Variants in HACE1 observed in about 807,000 individuals in gnomAD.
The protein encoded by HACE1 is E3 ubiquitin-protein ligase HACE1.
A neutral mutation model predicts 118.4 loss-of-function variants in HACE1; 73 were observed. The ratio of observed to expected loss-of-function variants is 0.62; its 90% CI spans 0.51 to 0.75. HACE1 has a LOEUF of 0.75. Ranked by LOEUF, HACE1 falls within the 30% of genes least tolerant of loss-of-function variation. HACE1 has a pLI of 0.00. For synonymous variants in HACE1, 368 were observed against 374.8 expected (o/e 0.98, Z 0.21); for missense variants, 749 against 1,102.2 (o/e 0.68, Z 4.54).
intron 5 of HACE1, among the ~76,000 whole-genome samples, chr6:104,836,766 T>C (rs1327492085): frequency 3.3e-5 from 5 of 152,168 alleles, no homozygotes; most frequent in South Asian, 4.1e-4. Context: ...TGACTGTCTA[T>C]GTAGAAAATC....
At chr6:104,791,738 G>A in intron 10 of HACE1, 84 bp from the exon 11 acceptor site, 1 of 869,312 alleles carries the variant, frequency 1.2e-6, no homozygotes, top group Non-Finnish European at 1.8e-6. Flanking sequence ...TCATCCCACT[G>A]ACCATCTGTT....
chr6:104,763,841 G>A (rs1779673937), intron 19 of HACE1, among the ~76,000 whole-genome samples: 2 of 152,122 alleles, frequency 1.3e-5, no homozygotes, highest in Non-Finnish European at 2.9e-5. Context: ...CTTGGGGTCA[G>A]GATATCGAGA....
At chr6:104,838,890 TAAAAAAAA>T (rs71003448) in intron 5 of HACE1, among the ~76,000 whole-genome samples, 19 of 58,856 alleles carry the variant, frequency 3.2e-4, no homozygotes, top group Admixed American at 6.0e-4. Context: ...AACTCCATAG[TAAAAAAAA>T]AAAAAAAAAA....
intron 1 of HACE1, among the ~76,000 whole-genome samples, chr6:104,854,273 C>A (rs1349663292): frequency 1.3e-5 from 2 of 152,104 alleles, no homozygotes; most frequent in Non-Finnish European, 2.9e-5. Context: ...TAACTAAAGG[C>A]AATGTGGTAT....
At chr6:104,743,702 C>T (rs1034226745) in intron 22 of HACE1, among the ~76,000 whole-genome samples, 9 of 151,900 alleles carry the variant, frequency 5.9e-5, no homozygotes, top group African/African-American at 2.2e-4. Context: ...ATTTTTTAGG[C>T]CATGAATCTT....
At chr6:104,789,966 G>GT (rs1782841822) in intron 11 of HACE1, among the ~76,000 whole-genome samples, 1 of 151,858 alleles carries the variant, frequency 6.6e-6, no homozygotes, top group Non-Finnish European at 1.5e-5. Flanking sequence ...TACAAAGACA[G>GT]TAAGTCGTCA....
intron 1 of HACE1, among the ~76,000 whole-genome samples, chr6:104,855,602 T>C (rs1776645121): frequency 6.6e-6 from 1 of 152,190 alleles, no homozygotes; most frequent in Non-Finnish European, 1.5e-5. Context: ...TTTTAAATGC[T>C]GACTGCAACC....
At chr6:104,737,934 C>T (rs1776114952) in intron 22 of HACE1, among the ~76,000 whole-genome samples, 1 of 152,206 alleles carries the variant, frequency 6.6e-6, no homozygotes, top group Non-Finnish European at 1.5e-5. Flanking sequence ...CCCTGTCTCA[C>T]AGCTTTGAGG....
intron 14 of HACE1, among the ~76,000 whole-genome samples, chr6:104,777,669 C>T (rs1781356716): frequency 6.6e-6 from 1 of 151,952 alleles, no homozygotes; most frequent in Non-Finnish European, 1.5e-5. Context: ...ATTTTCACAC[C>T]CAGAAAAATT....
At chr6:104,763,848 G>A (rs548600294) in intron 19 of HACE1, among the ~76,000 whole-genome samples, 10 of 152,150 alleles carry the variant, frequency 6.6e-5, no homozygotes, top group African/African-American at 2.2e-4. Flanking sequence ...TCAGGATATC[G>A]AGACCAGCCT....
At chr6:104,853,201 A>C (rs1193882329) in intron 1 of HACE1, among the ~76,000 whole-genome samples, 1 of 152,086 alleles carries the variant, frequency 6.6e-6, no homozygotes, top group Non-Finnish European at 1.5e-5. Context: ...CCATGGGATG[A>C]CTCTTACTCG....
chr6:104,822,519 C>T (rs1386569543), intron 6 of HACE1, among the ~76,000 whole-genome samples: 1 of 151,894 alleles, frequency 6.6e-6, no homozygotes, highest in Non-Finnish European at 1.5e-5. Flanking sequence ...CACCACTACG[C>T]TCCGGCCGGT....
At chr6:104,842,042 G>A (rs1340808769) in intron 5 of HACE1, among the ~76,000 whole-genome samples, 1 of 152,176 alleles carries the variant, frequency 6.6e-6, no homozygotes, top group Non-Finnish European at 1.5e-5. Context: ...AGGACAAAAT[G>A]TTAACAGTAA....
chr6:104,852,289 A>G (rs1776316044), intron 2 of HACE1, 28 bp downstream of exon 2: 2 of 1,568,644 alleles, frequency 1.3e-6, no homozygotes, highest in Non-Finnish European at 8.8e-7. Context: ...CTTCTTAAAA[A>G]GCAAAAATTT....
At chr6:104,735,760 T>C (rs961960739) in intron 22 of HACE1, among the ~76,000 whole-genome samples, 4 of 152,172 alleles carry the variant, frequency 2.6e-5, no homozygotes, top group Admixed American at 6.5e-5. Context: ...AATTTATATA[T>C]TCTCATACAC....
intron 5 of HACE1, 108 bp downstream of exon 5, chr6:104,843,115 A>T (rs1248141484): frequency 2.7e-6 from 2 of 750,168 alleles, no homozygotes; most frequent in Non-Finnish European, 4.8e-6. Flanking sequence ...TGTCTCAAAA[A>T]AAAGTAACTT....
chr6:104,744,219 T>C lies in HACE1; in HGVS notation c.2454A>G (p.Glu818=). 2 of 1,595,626 alleles carry C rather than the reference T, an allele frequency of 1.3e-6. No individual in the cohort carries two copies. The highest frequency in any genetic ancestry group is 1.7e-6 in the Non-Finnish European group (2 of 1,168,560). The change falls in exon 22 of 24, where the codon GAA becomes GAG. Residue 818 remains glutamate (E), a synonymous_variant. Coordinates refer to ENST00000262903, the MANE Select transcript of HACE1 (RefSeq NM_020771.4). ...REDPVIQWFW[E]VVEDITQEER... ...CCTCTTGAGTAATGTCTTCTACAACTTCCCAGAACCACTAACAACAAGAAC... is the reference window on the plus strand; with the variant it reads ...CCTCTTGAGTAATGTCTTCTACAACCTCCCAGAACCACTAACAACAAGAAC...
At chr6:104,761,940 A>G (rs1029524179) in intron 19 of HACE1, among the ~76,000 whole-genome samples, 2 of 152,246 alleles carry the variant, frequency 1.3e-5, no homozygotes, top group African/African-American at 4.8e-5. Flanking sequence ...CAACAGACAC[A>G]TGAAAAAATG....
At chr6:104,857,230 T>C (rs539977212) in intron 1 of HACE1, among the ~76,000 whole-genome samples, 24 of 149,128 alleles carry the variant, frequency 1.6e-4, no homozygotes, top group Non-Finnish European at 3.0e-4. Flanking sequence ...CCTATATGTA[T>C]GATATACTTT....
Sources: gnomAD v4.1 joint callset for allele counts (sites outside exome capture counted in the v4.1 genomes callset) on GRCh38, gnomAD v4.1.1 for gene constraint, MANE v1.5 for transcripts, NCBI Gene and HGNC (gene_info 2026-07-23, HGNC 2026-07-21) for gene names.